The following QSOX1 variants were observed in gnomAD, a reference collection of about 807,000 sequenced individuals.
The protein encoded by QSOX1 is quiescin sulfhydryl oxidase 1, also known as sulfhydryl oxidase 1.
Under a neutral mutation model 76.1 loss-of-function variants are expected in QSOX1, and 40 were observed. That is an observed-to-expected ratio of 0.53 (90% CI 0.41 to 0.68). The LOEUF (loss-of-function observed/expected upper bound fraction) is 0.68. Among genes scored for constraint, QSOX1 ranks in the 30% least tolerant of loss-of-function variants. The pLI is 0.00. For synonymous variants in QSOX1, 392 were observed against 413.1 expected, an observed-to-expected ratio of 0.95 and a Z score of 0.62; for missense variants, 931 against 974.3, an observed-to-expected ratio of 0.96 and a Z score of 0.59.
chr1:180,154,896 G>A lies in QSOX1; in HGVS notation c.-12G>A. The A allele has an allele frequency of 7.0e-7, 1 of 1,425,536 alleles. No homozygotes were observed. The allele number at this position is 1,425,536 out of a possible 1,614,324, so 88.3% of individuals were successfully genotyped here. On this transcript the variant is annotated 5_prime_UTR_variant, in exon 1 of 12. Coordinates refer to ENST00000367602, the MANE Select transcript of QSOX1 (RefSeq NM_002826.5). ...CCGGTGCTTGCGTGTGGTGGTGAGC[G>A]CAGCGCCGAGGATGAGGAGGTGCAA...
intron 10 of QSOX1, among the ~76,000 whole-genome samples, chr1:180,192,375 G>A (rs1019657275): frequency 6.6e-6 from 1 of 152,198 alleles, no homozygotes; most frequent in African/African-American, 2.4e-5. Flanking sequence ...AGAGGCTAAC[G>A]GAAGTGACAG....
rs1250086593 is a variant in QSOX1, at chr1:180,202,053, G to A, written c.*5016G>A. On this transcript the variant is annotated 3_prime_UTR_variant, in exon 12 of 12. Transcript: ENST00000367602. ...CTCCAGGTTGCACTGCTGCCCAGGGGGTTTGTGCCAGGCCTGGGTCACAGT... is the reference window on the plus strand; with the variant it reads ...CTCCAGGTTGCACTGCTGCCCAGGGAGTTTGTGCCAGGCCTGGGTCACAGT... The A allele has an allele frequency of 6.6e-6, 1 of 152,310 alleles. No individual in the cohort carries two copies. Among genetic ancestry groups the A allele is most frequent in the Non-Finnish European group, 1.5e-5 (1 of 68,116 alleles). 9.4% of individuals were successfully genotyped at this position (152,310 alleles called of 1,614,324 possible). A position where few individuals can be genotyped will look rare whatever the true frequency, so the allele number is the denominator to read the frequency against.
At position 180,200,172 on chromosome 1, in the gene QSOX1, A is replaced by T. The variant is rs1037786649; in HGVS notation, c.*3135A>T. ...GCTTCCAACACTCACTGGCTGTGTG[A>T]CTTTGGGCAAGATAACTTATCCCCT... On this transcript the variant is annotated 3_prime_UTR_variant, in exon 12 of 12. Coordinates refer to ENST00000367602, the MANE Select transcript of QSOX1 (RefSeq NM_002826.5). 5.3e-5 allele frequency: 8 copies of T among 152,334 alleles called. No individual in the cohort carries two copies. In the East Asian group the frequency reaches 1.5e-3, roughly 29 times the overall value. The allele number at this position is 152,334 out of a possible 1,614,324, so 9.4% of individuals were successfully genotyped here.
intron 1 of QSOX1, among the ~76,000 whole-genome samples, chr1:180,159,217 C>T (rs1409664196): frequency 6.6e-6 from 1 of 152,204 alleles, no homozygotes; most frequent in East Asian, 1.9e-4. Context: ...AAAAATTACG[C>T]TGTTCAGAGC....
chr1:180,191,367 G>A (rs1011263643), intron 10 of QSOX1, among the ~76,000 whole-genome samples: 1 of 152,218 alleles, frequency 6.6e-6, no homozygotes, highest in African/African-American at 2.4e-5. Context: ...TTGGGAAGGG[G>A]CCCGAGGCCT....
At chr1:180,175,906 C>T (rs549997125) in intron 3 of QSOX1, 25 bp from the exon 4 acceptor site, 23 of 1,547,604 alleles carry the variant, frequency 1.5e-5, no homozygotes, top group Non-Finnish European at 1.7e-5. Context: ...CCTGACACTC[C>T]GCTCACGCCT....
Position 180,187,318 on chromosome 1 carries a change from C to T in QSOX1, c.1017+1136C>T, listed in dbSNP as rs1663199258. Among the ~76,000 whole-genome samples, 4 of 152,330 alleles carry T rather than the reference C, an allele frequency of 2.6e-5. No individual in the cohort carries two copies. In the South Asian group the frequency reaches 6.2e-4, roughly 24 times the overall value. On this transcript the variant is annotated intron_variant, in intron 8 of 11. Coordinates refer to ENST00000367602, the MANE Select transcript of QSOX1 (RefSeq NM_002826.5). ...CTTCAGTCCATTGCCATAATAGAGA[C>T]CTTTCCTCCAAGGCTGAGAGCTGTT...
intron 10 of QSOX1, among the ~76,000 whole-genome samples, chr1:180,193,271 G>A (rs777860167): frequency 3.3e-5 from 5 of 151,992 alleles, no homozygotes; most frequent in East Asian, 1.9e-4. Context: ...GGGGTAACCC[G>A]AGCAGCAGCG....
chr1:180,176,107 A>T (rs1283182225), intron 4 of QSOX1, 74 bp downstream of exon 4: 2 of 1,264,278 alleles, frequency 1.6e-6, no homozygotes, highest in Non-Finnish European at 1.1e-6. Flanking sequence ...GGTGGTGGGA[A>T]CAGCAGGGCG....
chr1:180,156,672 C>T (rs1304042891), intron 1 of QSOX1, among the ~76,000 whole-genome samples: 1 of 152,210 alleles, frequency 6.6e-6, no homozygotes, highest in Non-Finnish European at 1.5e-5. Context: ...CTACATGCCT[C>T]ACTGGTCCCA....
intron 10 of QSOX1, among the ~76,000 whole-genome samples, chr1:180,191,349 C>T (rs2281844): frequency 3.0e-4 from 45 of 152,242 alleles, no homozygotes; most frequent in African/African-American, 9.4e-4. Context: ...AGGGCAGGCT[C>T]GACGCCATTG....
intron 8 of QSOX1, among the ~76,000 whole-genome samples, chr1:180,188,637 A>C (rs1663232027): frequency 6.6e-6 from 1 of 152,196 alleles, no homozygotes; most frequent in African/African-American, 2.4e-5. Flanking sequence ...GTTTGATAGG[A>C]ATATTTAATG....
In QSOX1 at chr1:180,190,452, A is replaced by C. The variant is rs1282250767; in HGVS notation, c.1160A>C (p.Lys387Thr). The change falls in exon 10 of 12, where the codon AAG becomes ACG. Residue 387 changes from lysine to threonine, a missense_variant. By Grantham distance (78) the Lys-to-Thr change is moderately conservative. Coordinates refer to ENST00000367602, the MANE Select transcript of QSOX1 (RefSeq NM_002826.5). ...DRKEGAVLAK[K>T]VNWIGCQGSE... ...CCTCAGGGTGCCGTTCTTGCCAAGA[A>C]GGTGAACTGGATTGGCTGCCAGGGG... The C allele has an allele frequency of 1.9e-6, 3 of 1,613,816 alleles. No individual in the cohort carries two copies. The Admixed American group carries it at 5.0e-5, about 27-fold the overall frequency.
intron 1 of QSOX1, 59 bp from the exon 2 acceptor site, chr1:180,166,432 G>A: frequency 2.1e-6 from 3 of 1,399,114 alleles, no homozygotes. Context: ...TAGGGGAGAT[G>A]GGCGGGCAGA....
chr1:180,155,172 G>A lies in QSOX1; in HGVS notation c.265G>A (p.Ala89Thr). The change falls in exon 1 of 12, where the codon GCC becomes ACC. Residue 89 changes from alanine (A) to threonine (T), a missense_variant and splice_region_variant. Physicochemically the swap from Ala to Thr is moderately conservative, Grantham distance 58. Coordinates refer to ENST00000367602, the MANE Select transcript of QSOX1 (RefSeq NM_002826.5). ...TWKALAEDVK[A>T]WRPALYLAAL... Reference sequence around the variant, plus strand: ...GAAGGCGCTGGCCGAAGACGTCAAAGGTGAGAAGCGGGGGCGGCCCGCTCC... The same window carrying A: ...GAAGGCGCTGGCCGAAGACGTCAAAAGTGAGAAGCGGGGGCGGCCCGCTCC... The A allele has an allele frequency of 1.3e-6, 2 of 1,497,474 alleles. No individual in the cohort carries two copies. The highest frequency in any genetic ancestry group is 1.2e-5 in the South Asian group (1 of 80,194). The allele number at this position is 1,497,474 out of a possible 1,614,324, so 92.8% of individuals were successfully genotyped here.
At position 180,187,670 on chromosome 1, in the gene QSOX1, C is replaced by A. The variant is rs12087182; in HGVS notation, c.1017+1488C>A. ...CCTGAGCTGGGCAGAGGCATCACCC[C>A]CTCTGTGCCTGCTGAGTCTCTGCCT... On this transcript the variant is annotated intron_variant, in intron 8 of 11. Coordinates refer to ENST00000367602, the MANE Select transcript of QSOX1 (RefSeq NM_002826.5). Among the ~76,000 whole-genome samples, 9 of 152,366 alleles carry A rather than the reference C, an allele frequency of 5.9e-5. No individual in the cohort carries two copies. The East Asian group carries it at 1.2e-3, about 20-fold the overall frequency.
rs370455042 is a variant in QSOX1 at position 180,194,341 on chromosome 1, G to A, written c.1417G>A (p.Ala473Thr). 87 of 1,601,490 alleles carry A rather than the reference G, an allele frequency of 5.4e-5. No homozygotes were observed. The highest frequency in any genetic ancestry group is 3.3e-4 in the Middle Eastern group (2 of 6,046). The change falls in exon 11 of 12, where the codon GCT (alanine) becomes ACT (threonine). Residue 473 changes from alanine to threonine, a missense_variant. Ala to Thr is a moderately conservative substitution (Grantham distance 58, BLOSUM62 0). Transcript: ENST00000367602. ...SMHRVGSPNA[A>T]VLWLWSSHNR... ...GCACCGGGTGGGGAGTCCCAACGCCGCTGTCCTCTGGCTCTGGTCTAGCCA... is the reference window on the plus strand; with the variant it reads ...GCACCGGGTGGGGAGTCCCAACGCCACTGTCCTCTGGCTCTGGTCTAGCCA...
intron 4 of QSOX1, 21 bp from the exon 5 acceptor site, chr1:180,178,773 T>A (rs767458255): frequency 6.2e-7 from 1 of 1,606,516 alleles, no homozygotes; most frequent in South Asian, 1.1e-5. Flanking sequence ...GCAGAGTGAC[T>A]GCCAGAATTG....
At chr1:180,190,673 GC>G in intron 10 of QSOX1, 93 bp downstream of exon 10, 1 of 1,418,588 alleles carries the variant, frequency 7.0e-7, no homozygotes. Context: ...CCCTTGAATT[GC>G]CCCACTGGCT....
Sources: allele counts gnomAD v4.1 joint callset (sites outside exome capture counted in the v4.1 genomes callset), GRCh38; gene constraint gnomAD v4.1.1; transcripts MANE v1.5; gene names NCBI Gene and HGNC (gene_info 2026-07-23, HGNC 2026-07-21).